The following OLAH variants were observed in gnomAD, a reference collection of about 807,000 sequenced individuals.
The protein encoded by OLAH is S-acyl fatty acid synthase thioesterase, medium chain.
Under a neutral mutation model 27.8 loss-of-function variants are expected in OLAH, and 33 were observed. The ratio of observed to expected loss-of-function variants is 1.19; its 90% CI spans 0.90 to 1.59. OLAH has a LOEUF of 1.59. Ranked by LOEUF, OLAH falls within the 40% of genes most tolerant of loss-of-function variation. The pLI, the probability that OLAH is intolerant of heterozygous loss-of-function variation, is 0.00. For missense variants in OLAH, 359 were observed against 310.8 expected, an observed-to-expected ratio of 1.16 and a Z score of -1.17; for synonymous variants, 120 against 102.9, an observed-to-expected ratio of 1.17 and a Z score of -1.01.
chr10:15,036,799 G>C lies in OLAH; in HGVS notation c.-164+4449G>C, dbSNP rs1843846813. On this transcript the variant is annotated intron_variant, in intron 1 of 3. Transcript: ENST00000413672. The stretch of plus-strand genomic sequence containing the variant: ...AGAATTTTTTAAAGCAAGAATTGTA[G>C]GCCAGACGCAGTGGCTCACACCTGT... Among the ~76,000 whole-genome samples the C allele has an allele frequency of 2.6e-5, 4 of 152,042 alleles. No individual in the cohort carries two copies. The South Asian group carries it at 8.3e-4, about 32-fold the overall frequency.
chr10:15,071,308 T>C (rs1398525308), intron 6 of OLAH, among the ~76,000 whole-genome samples: 1 of 152,158 alleles, frequency 6.6e-6, no homozygotes, highest in Non-Finnish European at 1.5e-5. Context: ...GTAATGTCTC[T>C]CTCCCAGCCA....
intron 3 of OLAH, among the ~76,000 whole-genome samples, chr10:15,053,695 CTTTT>C (rs1315719119): frequency 6.6e-6 from 1 of 152,044 alleles, no homozygotes; most frequent in Non-Finnish European, 1.5e-5. Context: ...ACTTCACTTC[CTTTT>C]TTGTTTCTGT....
At chr10:15,037,985 G>A (rs546322219) in intron 1 of OLAH, among the ~76,000 whole-genome samples, 1 of 152,334 alleles carries the variant, frequency 6.6e-6, no homozygotes, top group Admixed American at 6.5e-5. Flanking sequence ...AGGTGCTTGC[G>A]AATCTTGGGC....
At chr10:15,054,697 T>G (rs1844213285) in intron 3 of OLAH, among the ~76,000 whole-genome samples, 1 of 152,204 alleles carries the variant, frequency 6.6e-6, no homozygotes, top group Admixed American at 6.6e-5. Context: ...CTAGCTCTTT[T>G]GCTTGTACTC....
intron 5 of OLAH, 38 bp downstream of exon 5, chr10:15,064,540 G>T: frequency 8.4e-7 from 1 of 1,192,198 alleles, no homozygotes; most frequent in South Asian, 1.4e-5. Flanking sequence ...GGGCAGTGGA[G>T]AGCAGGGAAA....
chr10:15,042,880 T>C (rs1469078113), upstream of OLAH, among the ~76,000 whole-genome samples: 1 of 108,350 alleles, frequency 9.2e-6, no homozygotes, highest in Admixed American at 1.2e-4. Context: ...TTTTTTGAGA[T>C]GGAGGAGTCT....
At chr10:15,054,923 A>G (rs902497355) in intron 3 of OLAH, among the ~76,000 whole-genome samples, 1 of 151,536 alleles carries the variant, frequency 6.6e-6, no homozygotes, top group Non-Finnish European at 1.5e-5. Flanking sequence ...TCCAAGTTGG[A>G]GTGTTGTGCT....
chr10:15,048,287 G>A (rs1342219938), intron 2 of OLAH, among the ~76,000 whole-genome samples: 10 of 151,970 alleles, frequency 6.6e-5, no homozygotes, highest in African/African-American at 9.7e-5. Context: ...GTGCGATCTC[G>A]GCTCACTGCA....
At chr10:15,051,466 G>A (rs1377875664) in intron 3 of OLAH, among the ~76,000 whole-genome samples, 1 of 152,212 alleles carries the variant, frequency 6.6e-6, no homozygotes, top group Non-Finnish European at 1.5e-5. Context: ...AGCCTTGCAG[G>A]TGAGTGTTCA....
intron 1 of OLAH, among the ~76,000 whole-genome samples, chr10:15,034,983 G>A (rs1211167725): frequency 6.6e-6 from 1 of 151,942 alleles, no homozygotes; most frequent in Admixed American, 6.6e-5. Flanking sequence ...TGTATTTTTA[G>A]TAGAGACAGG....
intron 3 of OLAH, among the ~76,000 whole-genome samples, chr10:15,052,176 G>A (rs1021040448): frequency 3.9e-5 from 6 of 152,072 alleles, no homozygotes; most frequent in African/African-American, 1.2e-4. Flanking sequence ...CCAGCTACTC[G>A]GGAGGCTGAG....
intron 3 of OLAH, among the ~76,000 whole-genome samples, chr10:15,058,724 G>A (rs1354960487): frequency 6.6e-6 from 1 of 152,006 alleles, no homozygotes; most frequent in Non-Finnish European, 1.5e-5. Context: ...TTTTTATTCT[G>A]CCTGAAGAAG....
chr10:15,050,750 C>T (rs1280481318), intron 3 of OLAH, among the ~76,000 whole-genome samples: 2 of 151,638 alleles, frequency 1.3e-5, no homozygotes, highest in Non-Finnish European at 2.9e-5. Context: ...ACTGTGTTAG[C>T]CAGGATGGTC....
chr10:15,047,447 C>CTGGG, intron 2 of OLAH, 127 bp downstream of exon 2: 1 of 931,478 alleles, frequency 1.1e-6, no homozygotes, highest in Non-Finnish European at 1.7e-6. Context: ...GTAATCCCAG[C>CTGGG]ACTTTGGGAG....
intron 1 of OLAH, among the ~76,000 whole-genome samples, chr10:15,037,444 G>A (rs1157811114): frequency 1.3e-5 from 2 of 152,088 alleles, no homozygotes; most frequent in African/African-American, 4.8e-5. Flanking sequence ...AGCCAGGCAT[G>A]GTGGCGAGCG....
At chr10:15,061,150 G>A (rs1174739741) in intron 3 of OLAH, among the ~76,000 whole-genome samples, 1 of 151,992 alleles carries the variant, frequency 6.6e-6, no homozygotes, top group African/African-American at 2.4e-5. Context: ...ATAAATACAA[G>A]GCTTTGTTTA....
chr10:15,072,293 C>T (rs1020680849), intron 7 of OLAH, among the ~76,000 whole-genome samples: 8 of 151,464 alleles, frequency 5.3e-5, no homozygotes, highest in African/African-American at 1.2e-4. Flanking sequence ...TATTTACGTT[C>T]GATGATTTTT....
upstream of OLAH, among the ~76,000 whole-genome samples, chr10:15,040,943 C>G (rs984259440): frequency 2.0e-5 from 3 of 152,186 alleles, no homozygotes; most frequent in African/African-American, 4.8e-5. Flanking sequence ...CACTGTCTCC[C>G]TACCTCAACC....
At chr10:15,041,124 G>C (rs1189298521), upstream of OLAH, among the ~76,000 whole-genome samples, 1 of 152,126 alleles carries the variant, frequency 6.6e-6, no homozygotes, top group Non-Finnish European at 1.5e-5. Context: ...GGGCTCCCAG[G>C]CTACTGTGCT....
Sources: allele counts gnomAD v4.1 joint callset (sites outside exome capture counted in the v4.1 genomes callset), GRCh38; gene constraint gnomAD v4.1.1; transcripts MANE v1.5; gene names NCBI Gene and HGNC (gene_info 2026-07-23, HGNC 2026-07-21).